The following NRG3 variants were observed in gnomAD, a reference collection of about 807,000 sequenced individuals.
NRG3 encodes pro-neuregulin-3, membrane-bound isoform.
In NRG3, 31 loss-of-function variants were observed where a neutral mutation model predicts 66.9. The observed-to-expected ratio is 0.46, with a 90% CI of 0.35 to 0.63. The LOEUF (loss-of-function observed/expected upper bound fraction) is 0.63, where lower values mean the gene tolerates loss of function less well. Among genes scored for constraint, NRG3 ranks in the 20% least tolerant of loss-of-function variants. The pLI is 0.00. For missense variants in NRG3, 910 were observed against 878.9 expected, an observed-to-expected ratio of 1.04 and a Z score of -0.45; for synonymous variants, 393 against 359.4, an observed-to-expected ratio of 1.09 and a Z score of -1.06.
chr10:82,801,040 G>T (rs1259318986), intron 3 of NRG3, among the ~76,000 whole-genome samples: 1 of 152,190 alleles, frequency 6.6e-6, no homozygotes, highest in Non-Finnish European at 1.5e-5. Flanking sequence ...TGAGTATTGT[G>T]TTCAGATAGA....
intron 2 of NRG3, among the ~76,000 whole-genome samples, chr10:82,533,997 A>C (rs1847564746): frequency 1.3e-5 from 2 of 152,236 alleles, no homozygotes; most frequent in Non-Finnish European, 2.9e-5. Context: ...TTAGGAAAAC[A>C]ATCCCAAATA....
At chr10:82,508,135 C>G (rs1419496579) in intron 2 of NRG3, among the ~76,000 whole-genome samples, 1 of 152,172 alleles carries the variant, frequency 6.6e-6, no homozygotes. Context: ...CAATATTTCT[C>G]TAAGATTTGT....
chr10:81,944,500 G>T (rs1848668323), intron 1 of NRG3, among the ~76,000 whole-genome samples: 1 of 152,156 alleles, frequency 6.6e-6, no homozygotes, highest in Non-Finnish European at 1.5e-5. Flanking sequence ...AAAAATTTTA[G>T]TATACATGGG....
At chr10:82,522,761 T>C (rs1410572482) in intron 2 of NRG3, among the ~76,000 whole-genome samples, 1 of 152,216 alleles carries the variant, frequency 6.6e-6, no homozygotes, top group Non-Finnish European at 1.5e-5. Context: ...TTCCTTTATT[T>C]CTAATAGCTT....
At chr10:82,763,972 T>A (rs2059420119) in intron 3 of NRG3, among the ~76,000 whole-genome samples, 1 of 152,246 alleles carries the variant, frequency 6.6e-6, no homozygotes, top group Non-Finnish European at 1.5e-5. Flanking sequence ...TTCTTTTTAC[T>A]CTTTTAATGT....
At chr10:82,486,596 G>T (rs1414777608) in intron 2 of NRG3, among the ~76,000 whole-genome samples, 1 of 152,088 alleles carries the variant, frequency 6.6e-6, no homozygotes, top group Non-Finnish European at 1.5e-5. Context: ...GGTATTTTTA[G>T]TAGAGAAGGG....
intron 2 of NRG3, among the ~76,000 whole-genome samples, chr10:82,512,944 A>G (rs12263963): frequency 0.056 from 8,482 of 152,150 alleles, 516 homozygotes; most frequent in East Asian, 0.17. Context: ...TGGGTATGCC[A>G]CATATTTTTT....
At chr10:82,743,860 T>C (rs979957579) in intron 3 of NRG3, among the ~76,000 whole-genome samples, 6 of 152,216 alleles carry the variant, frequency 3.9e-5, no homozygotes, top group Non-Finnish European at 7.3e-5. Context: ...ATTCTTGCCT[T>C]TCTCAATTGT....
chr10:81,960,153 A>G (rs1850216785), intron 1 of NRG3, among the ~76,000 whole-genome samples: 1 of 151,904 alleles, frequency 6.6e-6, no homozygotes, highest in Non-Finnish European at 1.5e-5. Flanking sequence ...CACATTGTTC[A>G]CTTTTAAATT....
intron 1 of NRG3, among the ~76,000 whole-genome samples, chr10:81,908,162 G>T (rs1228693709): frequency 6.6e-6 from 1 of 151,994 alleles, no homozygotes; most frequent in Non-Finnish European, 1.5e-5. Flanking sequence ...ATGTTATGCA[G>T]GTATATAGAA....
intron 2 of NRG3, among the ~76,000 whole-genome samples, chr10:82,672,045 T>G (rs1228325699): frequency 6.6e-6 from 1 of 152,224 alleles, no homozygotes; most frequent in African/African-American, 2.4e-5. Context: ...TACTGATCTC[T>G]AATATCAGCA....
intron 2 of NRG3, among the ~76,000 whole-genome samples, chr10:82,589,294 C>A (rs1219814778): frequency 2.6e-5 from 4 of 152,142 alleles, no homozygotes; most frequent in Non-Finnish European, 5.9e-5. Context: ...CTAAAGCAGG[C>A]ACCTGGGAAA....
rs144927864 is a variant in NRG3 at position 82,292,994 on chromosome 10, AC to A, written c.824-65744del. ...ACCTTTGGGAGAACTAGGTAGAGCT[AC>A]ATGGGATCAGTCTATTATTTCTTGC... On this transcript the variant is annotated intron_variant, in intron 1 of 8. Transcript: ENST00000372141. Among the ~76,000 whole-genome samples the A allele has an allele frequency of 3.1e-3, 467 of 152,340 alleles. 1 individual carries two copies. The highest frequency in any genetic ancestry group is 0.01 in the African/African-American group (432 of 41,588).
intron 3 of NRG3, among the ~76,000 whole-genome samples, chr10:82,828,231 A>C (rs544711755): frequency 6.2e-4 from 94 of 152,316 alleles, no homozygotes; most frequent in African/African-American, 2.2e-3. Context: ...TTATAAAAAA[A>C]ACTTCTGCTA....
intron 1 of NRG3, among the ~76,000 whole-genome samples, chr10:81,975,498 T>G (rs1423051864): frequency 6.6e-6 from 1 of 152,026 alleles, no homozygotes; most frequent in African/African-American, 2.4e-5. Context: ...ACTTGGGAAG[T>G]GATTCCTGGA....
rs144253976 is a variant in NRG3 at position 82,535,136 on chromosome 10, CAGAG to C, written c.953+176283_953+176286del. Among the ~76,000 whole-genome samples, 5 of 145,164 alleles carry C rather than the reference CAGAG, an allele frequency of 3.4e-5. No individual in the cohort carries two copies. The South Asian group carries it at 8.9e-4, about 26-fold the overall frequency. The stretch of plus-strand genomic sequence containing the variant: ...TGCCACTGCACTCCAGCCTGGATGA[CAGAG>C]AGAGAGAGAGAGAGTTCTGAGAAGG... On this transcript the variant is annotated intron_variant, in intron 2 of 8. Coordinates refer to ENST00000372141, the MANE Select transcript of NRG3 (RefSeq NM_001010848.4).
intron 2 of NRG3, among the ~76,000 whole-genome samples, chr10:82,372,366 G>A (rs1362363712): frequency 6.6e-6 from 1 of 152,168 alleles, no homozygotes; most frequent in East Asian, 1.9e-4. Context: ...CATATCAGAA[G>A]ATGATGACAT....
intron 2 of NRG3, among the ~76,000 whole-genome samples, chr10:82,507,199 C>T (rs886415515): frequency 6.6e-6 from 1 of 152,168 alleles, no homozygotes; most frequent in African/African-American, 2.4e-5. Context: ...GACCATGCTT[C>T]CTAAACTTAT....
At chr10:82,790,360 C>T (rs966551185) in intron 3 of NRG3, among the ~76,000 whole-genome samples, 11 of 152,002 alleles carry the variant, frequency 7.2e-5, no homozygotes, top group African/African-American at 1.7e-4. Flanking sequence ...AGGACAGTTT[C>T]GCTATTGGTT....
Sources: allele counts gnomAD v4.1 joint callset (sites outside exome capture counted in the v4.1 genomes callset), GRCh38; gene constraint gnomAD v4.1.1; transcripts MANE v1.5; gene names NCBI Gene and HGNC (gene_info 2026-07-23, HGNC 2026-07-21).